The following SAR1B variants were observed in gnomAD, a reference collection of about 807,000 sequenced individuals.
SAR1B encodes the protein small COPII coat GTPase SAR1B.
SAR1B carries 23 observed loss-of-function variants against 26.8 expected under a neutral mutation model. The observed-to-expected ratio is 0.86, with a 90% CI of 0.62 to 1.22. The LOEUF is 1.22. Ranked by LOEUF, SAR1B falls within the 50% of genes most tolerant of loss-of-function variation. The pLI is 0.00. For missense variants in SAR1B, 196 were observed against 232.8 expected (o/e 0.84, Z 1.03); for synonymous variants, 65 against 80.8 (o/e 0.80, Z 1.05).
intron 3 of SAR1B, among the ~76,000 whole-genome samples, chr5:134,620,382 C>CA (rs902115231): frequency 8.5e-5 from 13 of 152,128 alleles, no homozygotes; most frequent in Admixed American, 7.9e-4. Flanking sequence ...AATCATGTCA[C>CA]AATCCCTCAG....
intron 1 of SAR1B, among the ~76,000 whole-genome samples, chr5:134,627,801 AAAAT>A (rs199626448): frequency 0.2 from 26,651 of 134,192 alleles, 2,804 homozygotes; most frequent in Middle Eastern, 0.27. Flanking sequence ...TCCATCCCAA[AAAAT>A]AAATAAATAA....
At position 134,620,990 on chromosome 5, in the gene SAR1B, A is replaced by G; in HGVS notation, c.121T>C (p.Leu41=). 1.2e-5 allele frequency: 20 copies of G among 1,613,386 alleles called. No homozygotes were observed. The highest frequency in any genetic ancestry group is 1.7e-5 in the Non-Finnish European group (20 of 1,179,354). ...LGLDNAGKTT[L]LHMLKDDRLG... The stretch of plus-strand genomic sequence containing the variant: ...CTGTCATCTTTTAGCATGTGTAGCA[A>G]TGTTGTTTTTCCTGCATTATCCAAT... The change falls in exon 3 of 7, where the codon TTG becomes CTG. Residue 41 remains leucine (L), a synonymous_variant. Coordinates refer to ENST00000402673, the MANE Select transcript of SAR1B (RefSeq NM_016103.4).
At position 134,608,413 on chromosome 5, in the gene SAR1B, A is replaced by G. The variant is rs770678615; in HGVS notation, c.439T>C (p.Leu147=). The G allele has an allele frequency of 3.1e-6, 5 of 1,605,262 alleles. No individual in the cohort carries two copies. In the East Asian group the frequency reaches 1.1e-4, roughly 36 times the overall value. The change falls in exon 6 of 7, where the codon TTG becomes CTG. Residue 147 remains leucine, a synonymous_variant. Coordinates refer to ENST00000402673, the MANE Select transcript of SAR1B (RefSeq NM_016103.4). ...CCATATAAACCAAACATCTCTCGCA[A>G]CCTCTCTTCACTGATGGCTTCAGGT... ...DRPEAISEER[L]REMFGLYGQT...
intron 5 of SAR1B, among the ~76,000 whole-genome samples, 169 bp from the exon 6 acceptor site, chr5:134,608,672 C>G (rs1174577008): frequency 2.6e-5 from 4 of 152,186 alleles, no homozygotes; most frequent in African/African-American, 9.6e-5. Flanking sequence ...AAACCATAAG[C>G]TAAATTCTTC....
Position 134,615,903 on chromosome 5 carries a change from G to A in SAR1B, c.179-3147C>T, listed in dbSNP as rs557433872. Among the ~76,000 whole-genome samples the A allele has an allele frequency of 4.6e-5, 7 of 152,216 alleles. No homozygotes were observed. In the East Asian group the frequency reaches 1.4e-3, roughly 29 times the overall value. Reference sequence around the variant, plus strand: ...TCTAATCCCAGCACTTCGGGAGGCCGAGGCGGGTGGATCACTTGAGACATC... The same window carrying A: ...TCTAATCCCAGCACTTCGGGAGGCCAAGGCGGGTGGATCACTTGAGACATC... On this transcript the variant is annotated intron_variant, in intron 3 of 6. Coordinates refer to ENST00000402673, the MANE Select transcript of SAR1B (RefSeq NM_016103.4).
chr5:134,612,970 T>C (rs1765245238), intron 3 of SAR1B: 1 of 547,268 alleles, frequency 1.8e-6, no homozygotes, highest in Non-Finnish European at 3.2e-6. Flanking sequence ...TTTATGTTCT[T>C]AGCTCCCACA....
At chr5:134,608,559 T>A in intron 5 of SAR1B, 56 bp from the exon 6 acceptor site, 1 of 1,558,632 alleles carries the variant, frequency 6.4e-7, no homozygotes, top group Non-Finnish European at 8.8e-7. Flanking sequence ...TCCAAAGAGC[T>A]TATTTTGATA....
Position 134,602,895 on chromosome 5 carries a change from A to G in SAR1B, c.*4055T>C, listed in dbSNP as rs1228831669. ...TTCATCTCAAAAAAAAAAGAAAAGA[A>G]AAGAAAAAACAAACATGCAGTTTTG... On this transcript the variant is annotated 3_prime_UTR_variant, in exon 7 of 7. Transcript: ENST00000402673. 1 of 152,112 alleles carries G rather than the reference A, an allele frequency of 6.6e-6. No homozygotes were observed. The highest frequency in any genetic ancestry group is 1.9e-4 in the East Asian group (1 of 5,198). 9.4% of individuals were successfully genotyped at this position (152,112 alleles called of 1,614,324 possible). A position where few individuals can be genotyped will look rare whatever the true frequency, so the allele number is the denominator to read the frequency against.
At chr5:134,619,426 C>T (rs1765367589) in intron 3 of SAR1B, among the ~76,000 whole-genome samples, 1 of 151,686 alleles carries the variant, frequency 6.6e-6, no homozygotes, top group African/African-American at 2.4e-5. Context: ...GTGGTGCAAT[C>T]ATAGCTCAGT....
chr5:134,631,942 A>C (rs939522368), intron 1 of SAR1B: 1 of 152,024 alleles, frequency 6.6e-6, no homozygotes, highest in Non-Finnish European at 1.5e-5. Flanking sequence ...GCTCACGCCT[A>C]TAATCCCAGC....
rs180689189 is a variant in SAR1B at position 134,601,654 on chromosome 5, T to C, written c.*5296A>G. On this transcript the variant is annotated 3_prime_UTR_variant, in exon 7 of 7. Transcript: ENST00000402673. The stretch of plus-strand genomic sequence containing the variant: ...GGCCATTCTGACATGAATCTATACT[T>C]GAAAATGAAAACAATCCCAAAGAAA... 12 of 152,286 alleles carry C rather than the reference T, an allele frequency of 7.9e-5. No individual in the cohort carries two copies. The highest frequency in any genetic ancestry group is 6.5e-4 in the Admixed American group (10 of 15,286). 9.4% of individuals were successfully genotyped at this position (152,286 alleles called of 1,614,324 possible). A position where few individuals can be genotyped will look rare whatever the true frequency, so the allele number is the denominator to read the frequency against.
Position 134,606,729 on chromosome 5 carries a change from C to A in SAR1B, c.*221G>T. 6.0e-6 allele frequency: 3 copies of A among 504,022 alleles called. No individual in the cohort carries two copies. The highest frequency in any genetic ancestry group is 1.1e-5 in the Non-Finnish European group (3 of 276,294). 31.2% of individuals were successfully genotyped at this position (504,022 alleles called of 1,614,324 possible). On this transcript the variant is annotated 3_prime_UTR_variant, in exon 7 of 7. Transcript: ENST00000402673. ...GATGTCAGATTATAAACTGTAAAAA[C>A]CAAGTACTTTTATGGAATTAGAAAG... is the stretch of plus-strand genomic sequence containing the variant.
intron 1 of SAR1B, among the ~76,000 whole-genome samples, chr5:134,627,727 A>G (rs1765517673): frequency 6.6e-6 from 1 of 151,754 alleles, no homozygotes; most frequent in African/African-American, 2.4e-5. Flanking sequence ...TGAAACCAGG[A>G]GGCAGAGCTT....
chr5:134,627,449 C>T (rs1463462749), intron 1 of SAR1B, among the ~76,000 whole-genome samples: 1 of 152,018 alleles, frequency 6.6e-6, no homozygotes, highest in Non-Finnish European at 1.5e-5. Context: ...CCTCCCACCT[C>T]AACCTCCTGA....
Position 134,606,898 on chromosome 5 carries a change from A to G in SAR1B, c.*52T>C. 1 of 1,178,636 alleles carries G rather than the reference A, an allele frequency of 8.5e-7. No individual in the cohort carries two copies. Among genetic ancestry groups the G allele is most frequent in the Non-Finnish European group, 1.3e-6 (1 of 782,592 alleles). The allele number at this position is 1,178,636 out of a possible 1,614,324, so 73.0% of individuals were successfully genotyped here. ...TTCAAGTTATGCATGTTGAGCAATC[A>G]AATCTCTGAGTAAGCCTGAACGTTG... On this transcript the variant is annotated 3_prime_UTR_variant, in exon 7 of 7. Coordinates refer to ENST00000402673, the MANE Select transcript of SAR1B (RefSeq NM_016103.4).
intron 3 of SAR1B, among the ~76,000 whole-genome samples, chr5:134,615,635 G>A (rs899052041): frequency 2.7e-5 from 4 of 150,668 alleles, no homozygotes; most frequent in Admixed American, 2.7e-4. Flanking sequence ...CTAACACGGT[G>A]AAACCCCGTC....
intron 1 of SAR1B, among the ~76,000 whole-genome samples, chr5:134,628,143 C>CA (rs537067269): frequency 8.8e-4 from 124 of 140,640 alleles, no homozygotes; most frequent in African/African-American, 2.2e-3. Context: ...GACTCCGTCT[C>CA]AAAAAAAAAA....
chr5:134,631,105 A>G (rs905218948), intron 1 of SAR1B, among the ~76,000 whole-genome samples: 2 of 150,928 alleles, frequency 1.3e-5, no homozygotes, highest in South Asian at 4.2e-4. Flanking sequence ...GGGTCTTGCT[A>G]TGTTGCCCAG....
chr5:134,611,437 C>G (rs983795530), intron 4 of SAR1B, among the ~76,000 whole-genome samples: 1 of 152,028 alleles, frequency 6.6e-6, no homozygotes, highest in Non-Finnish European at 1.5e-5. Flanking sequence ...AAAAAATGAA[C>G]AGGCCAGGTG....
Sources: allele counts gnomAD v4.1 joint callset (sites outside exome capture counted in the v4.1 genomes callset), GRCh38; gene constraint gnomAD v4.1.1; transcripts MANE v1.5; gene names NCBI Gene and HGNC (gene_info 2026-07-23, HGNC 2026-07-21).